CACNA2D4: variants seen among roughly 807,000 people sequenced by gnomAD.
The protein encoded by CACNA2D4 is voltage-dependent calcium channel subunit alpha-2/delta-4.
In CACNA2D4, 157 loss-of-function variants were observed where a neutral mutation model predicts 163.8. The ratio of observed to expected loss-of-function variants is 0.96; its 90% CI spans 0.84 to 1.09. The LOEUF is 1.09. Ranked by LOEUF, CACNA2D4 falls within the 50% of genes least tolerant of loss-of-function variation. The pLI is 0.00. For synonymous variants in CACNA2D4, 598 were observed against 586.9 expected (o/e 1.02, Z -0.27); for missense variants, 1,410 against 1,479.9 (o/e 0.95, Z 0.78).
chr12:1,865,751 C>T (rs1426927170), intron 18 of CACNA2D4, among the ~76,000 whole-genome samples: 1 of 152,136 alleles, frequency 6.6e-6, no homozygotes, highest in African/African-American at 2.4e-5. Flanking sequence ...AACCGGGGCG[C>T]GGGGAGGCGG....
intron 24 of CACNA2D4, 100 bp downstream of exon 24, chr12:1,846,494 A>G: frequency 1.1e-6 from 1 of 914,432 alleles, no homozygotes; most frequent in South Asian, 1.5e-5. Context: ...CATGCTGGAG[A>G]CCCGGTGCCA....
At chr12:1,858,746 T>C in intron 19 of CACNA2D4, 102 bp from the exon 20 acceptor site, 1 of 814,602 alleles carries the variant, frequency 1.2e-6, no homozygotes, top group Admixed American at 2.7e-5. Flanking sequence ...TATGGGCTTT[T>C]TGTACCCACG....
intron 6 of CACNA2D4, among the ~76,000 whole-genome samples, chr12:1,895,826 T>C (rs1011485388): frequency 6.6e-6 from 1 of 151,886 alleles, no homozygotes; most frequent in Non-Finnish European, 1.5e-5. Flanking sequence ...TTTGTAGAGA[T>C]AGGGGTCTCA....
At chr12:1,895,134 A>T (rs1046506851) in intron 6 of CACNA2D4, among the ~76,000 whole-genome samples, 1 of 152,178 alleles carries the variant, frequency 6.6e-6, no homozygotes, top group Admixed American at 6.5e-5. Context: ...AATCTCATTT[A>T]CAGTAACTAC....
At chr12:1,852,548 GC>G (rs1391410942) in intron 23 of CACNA2D4, among the ~76,000 whole-genome samples, 1 of 152,086 alleles carries the variant, frequency 6.6e-6, no homozygotes, top group Non-Finnish European at 1.5e-5. Context: ...TTTATTTAAT[GC>G]CTTTTCTATA....
At chr12:1,800,209 C>T (rs1863265529) in intron 32 of CACNA2D4, 157 bp from the exon 33 acceptor site, 2 of 947,958 alleles carry the variant, frequency 2.1e-6, no homozygotes, top group African/African-American at 1.6e-5. Flanking sequence ...GAGGTCCCTC[C>T]CAGGGGCAGC....
Position 1,878,177 on chromosome 12 carries a change from G to T in CACNA2D4, c.1719+138C>A. ...AACTTGAAAACAGGGACCATGACTC[G>T]AATACATTTTTTTTCTCATATTACC... On this transcript the variant is annotated intron_variant, in intron 16 of 37. Transcript: ENST00000382722. This position sits in a 1 kb window ranked among gnomAD's most constrained non-coding sequence, Gnocchi z 4.6. The T allele has an allele frequency of 3.1e-6, 3 of 959,868 alleles. No homozygotes were observed. The highest frequency in any genetic ancestry group is 1.4e-5 in the South Asian group (1 of 69,806). 59.5% of individuals were successfully genotyped at this position (959,868 alleles called of 1,614,324 possible).
At chr12:1,855,557 G>T (rs1865381578) in intron 22 of CACNA2D4, among the ~76,000 whole-genome samples, 1 of 152,218 alleles carries the variant, frequency 6.6e-6, no homozygotes, top group Admixed American at 6.5e-5. Context: ...TTAGCCTGAG[G>T]AACTGGTTTA....
In CACNA2D4 at chr12:1,898,677, C is replaced by CTGTG. The variant is rs148994217; in HGVS notation, c.781+8759_781+8762dup. Among the ~76,000 whole-genome samples the CTGTG allele has an allele frequency of 9.8e-3, 1,471 of 149,362 alleles. 19 individuals carry two copies. Among genetic ancestry groups the CTGTG allele is most frequent in the African/African-American group, 0.033 (1,357 of 40,918 alleles). ...TGCATCCTTTTACATTCCCACAACTCTGTGTGTGTGTGTGTGTGTGTGTAT... is the reference window on the plus strand; with the variant it reads ...TGCATCCTTTTACATTCCCACAACTCTGTGTGTGTGTGTGTGTGTGTGTGTGTAT... On this transcript the variant is annotated intron_variant, in intron 6 of 37. Coordinates refer to ENST00000382722, the MANE Select transcript of CACNA2D4 (RefSeq NM_172364.5).
intron 31 of CACNA2D4, 113 bp from the exon 32 acceptor site, chr12:1,800,551 G>GCTCCCAGT: frequency 9.6e-7 from 1 of 1,043,898 alleles, no homozygotes; most frequent in Non-Finnish European, 1.5e-6. Context: ...CCCTGCCACT[G>GCTCCCAGT]GGAGCAGGGG....
intron 13 of CACNA2D4, among the ~76,000 whole-genome samples, chr12:1,882,009 T>G (rs974926433): frequency 6.6e-6 from 1 of 152,242 alleles, no homozygotes; most frequent in Admixed American, 6.5e-5. Context: ...AGGTGAATTC[T>G]GGGTTCTGGC....
At chr12:1,880,597 G>A (rs1865973426) in intron 13 of CACNA2D4, among the ~76,000 whole-genome samples, 3 of 152,256 alleles carry the variant, frequency 2.0e-5, no homozygotes, top group Admixed American at 1.3e-4. Flanking sequence ...CAAGCATGTG[G>A]GAAGAGAGGT....
intron 6 of CACNA2D4, among the ~76,000 whole-genome samples, chr12:1,890,057 G>A (rs1487047259): frequency 6.6e-6 from 1 of 152,166 alleles, no homozygotes; most frequent in African/African-American, 2.4e-5. Context: ...TCTCCAGGTT[G>A]CTCAATGCAA....
intron 26 of CACNA2D4, chr12:1,831,288 C>A (rs201504469): frequency 6.2e-7 from 1 of 1,613,730 alleles, no homozygotes; most frequent in Non-Finnish European, 8.5e-7. Context: ...GCACTCGCCG[C>A]TGCTCCGCCA....
chr12:1,886,904 T>G, intron 7 of CACNA2D4, 105 bp downstream of exon 7: 2 of 743,138 alleles, frequency 2.7e-6, no homozygotes, highest in Non-Finnish European at 4.7e-6. Flanking sequence ...CCAAGGCCCT[T>G]GAGTGGCGGT....
chr12:1,819,106 C>G, intron 26 of CACNA2D4, among the ~76,000 whole-genome samples: 1 of 151,862 alleles, frequency 6.6e-6, no homozygotes, highest in Admixed American at 6.6e-5. Context: ...AGGAGCAGGG[C>G]CAGTCCTGTG....
At chr12:1,915,110 C>T (rs527354371) in intron 1 of CACNA2D4, 175 bp from the exon 2 acceptor site, 12 of 707,196 alleles carry the variant, frequency 1.7e-5, no homozygotes, top group East Asian at 1.1e-4. Flanking sequence ...TGCACACACA[C>T]GTACACACAC....
Position 1,793,524 on chromosome 12 carries a change from G to A in CACNA2D4, c.*131C>T. ...CATTCTCCGGAGCCAGGGGCCACCA[G>A]CCCAGGATTGAGAGGAGCGTTGGCC... On this transcript the variant is annotated 3_prime_UTR_variant, in exon 38 of 38. Transcript: ENST00000382722. 1 of 770,928 alleles carries A rather than the reference G, an allele frequency of 1.3e-6. No homozygotes were observed. The highest frequency in any genetic ancestry group is 2.3e-6 in the Non-Finnish European group (1 of 438,586). The allele number at this position is 770,928 out of a possible 1,614,324, so 47.8% of individuals were successfully genotyped here.
intron 23 of CACNA2D4, among the ~76,000 whole-genome samples, chr12:1,850,881 CA>C (rs3078857): frequency 0.17 from 22,662 of 130,524 alleles, 1,975 homozygotes; most frequent in African/African-American, 0.29. Context: ...GACTCCGTCT[CA>C]AAAAAAAAAA....
Sources: allele counts gnomAD v4.1 joint callset (sites outside exome capture counted in the v4.1 genomes callset), GRCh38; gene constraint gnomAD v4.1.1; non-coding constraint Gnocchi (gnomAD v3.1); transcripts MANE v1.5; gene names NCBI Gene and HGNC (gene_info 2026-07-23, HGNC 2026-07-21).